XYLT1: variants seen among roughly 807,000 people sequenced by gnomAD.
The protein encoded by XYLT1 is xylosyltransferase 1, also known as beta-D-xylosyltransferase 1.
A neutral mutation model predicts 91.3 loss-of-function variants in XYLT1; 36 were observed. The observed-to-expected ratio is 0.39, with a 90% CI of 0.30 to 0.52. The LOEUF is 0.52. Among genes scored for constraint, XYLT1 ranks in the 20% least tolerant of loss-of-function variants. The pLI is 0.68. For missense variants in XYLT1, 1,242 were observed against 1,284.5 expected (o/e 0.97, Z 0.51); for synonymous variants, 588 against 532.0 (o/e 1.11, Z -1.45).
intron 3 of XYLT1, among the ~76,000 whole-genome samples, chr16:17,239,533 CAT>C (rs2033310467): frequency 6.7e-6 from 1 of 149,910 alleles, no homozygotes. Context: ...TCCATCCATC[CAT>C]CCCATTCATC....
chr16:17,389,772 G>A (rs370325866), intron 1 of XYLT1, among the ~76,000 whole-genome samples: 1 of 152,192 alleles, frequency 6.6e-6, no homozygotes, highest in African/African-American at 2.4e-5. Context: ...AAGACAGGAT[G>A]GAGAACCAGG....
intron 10 of XYLT1, among the ~76,000 whole-genome samples, chr16:17,125,527 G>A (rs1419434745): frequency 6.6e-6 from 1 of 151,848 alleles, no homozygotes; most frequent in Non-Finnish European, 1.5e-5. Flanking sequence ...AGTGCCTAAG[G>A]GCCTTTGTAT....
intron 2 of XYLT1, among the ~76,000 whole-genome samples, chr16:17,298,399 C>T (rs75262248): frequency 0.036 from 5,529 of 152,176 alleles, 232 homozygotes; most frequent in Admixed American, 0.089. Flanking sequence ...TGGCGAGTGC[C>T]CTCACTGTTC....
rs886385466 is a variant in XYLT1, at chr16:17,160,620, C to T, written c.1290-1711G>A. On this transcript the variant is annotated intron_variant, in intron 5 of 11. Transcript: ENST00000261381. ...TGTCTGCAGGGAGTTGAATACAGCA[C>T]ACACACGGAAAGCTAAACCTTGCTG... is the stretch of plus-strand genomic sequence containing the variant. Among the ~76,000 whole-genome samples, 4 of 152,288 alleles carry T rather than the reference C, an allele frequency of 2.6e-5. No homozygotes were observed. The South Asian group carries it at 6.2e-4, about 24-fold the overall frequency.
At chr16:17,208,478 G>C (rs1046924838) in intron 3 of XYLT1, among the ~76,000 whole-genome samples, 1 of 152,062 alleles carries the variant, frequency 6.6e-6, no homozygotes, top group African/African-American at 2.4e-5. Flanking sequence ...AGATATTTTG[G>C]GGAAGGGACC....
intron 3 of XYLT1, among the ~76,000 whole-genome samples, chr16:17,240,549 A>G (rs1467529470): frequency 6.6e-6 from 1 of 152,138 alleles, no homozygotes; most frequent in Non-Finnish European, 1.5e-5. Flanking sequence ...AGAGAGAGAA[A>G]TGGACCCAGC....
At chr16:17,335,021 C>T (rs531614364) in intron 2 of XYLT1, among the ~76,000 whole-genome samples, 6 of 152,026 alleles carry the variant, frequency 3.9e-5, no homozygotes, top group Admixed American at 2.6e-4. Flanking sequence ...GCCAGGAGTT[C>T]GAAATGAGCC....
At chr16:17,444,135 T>C (rs1398151474) in intron 1 of XYLT1, among the ~76,000 whole-genome samples, 1 of 152,200 alleles carries the variant, frequency 6.6e-6, no homozygotes, top group Non-Finnish European at 1.5e-5. Flanking sequence ...TTCCTCTTCA[T>C]GTTTAGGTGT....
rs114755079 is a variant in XYLT1, at chr16:17,460,332, C to T, written c.363+10102G>A. 3.4e-3 allele frequency among the ~76,000 whole-genome samples: 520 copies of T among 152,270 alleles called. 5 individuals carry two copies. The highest frequency in any genetic ancestry group is 0.012 in the African/African-American group (498 of 41,558). ...GAGGGGAAACAGGTTTATCAAATTG[C>T]GGAATGCATGATTCTATTTCTGTCG... On this transcript the variant is annotated intron_variant, in intron 1 of 11. Coordinates refer to ENST00000261381, the MANE Select transcript of XYLT1 (RefSeq NM_022166.4).
At chr16:17,400,526 G>A (rs1186776633) in intron 1 of XYLT1, among the ~76,000 whole-genome samples, 1 of 148,220 alleles carries the variant, frequency 6.7e-6, no homozygotes, top group Non-Finnish European at 1.5e-5. Flanking sequence ...GGAGGCGGAG[G>A]TTACAGTGAG....
intron 10 of XYLT1, among the ~76,000 whole-genome samples, chr16:17,124,518 A>ATGCTT (rs2030190319): frequency 1.3e-5 from 2 of 152,150 alleles, no homozygotes; most frequent in South Asian, 4.1e-4. Context: ...AGGTTACCTG[A>ATGCTT]TGCTTTTGCC....
At chr16:17,379,532 G>A (rs1288305460) in intron 1 of XYLT1, among the ~76,000 whole-genome samples, 1 of 152,112 alleles carries the variant, frequency 6.6e-6, no homozygotes, top group Non-Finnish European at 1.5e-5. Flanking sequence ...GACAAGGTGT[G>A]GTGGGTGGGA....
At chr16:17,416,983 A>T (rs568749629) in intron 1 of XYLT1, among the ~76,000 whole-genome samples, 28 of 152,290 alleles carry the variant, frequency 1.8e-4, no homozygotes, top group Admixed American at 1.7e-3. Context: ...AATGGTTTAG[A>T]TCCATTTTGG....
chr16:17,260,516 T>C (rs946036065), intron 2 of XYLT1, among the ~76,000 whole-genome samples: 2 of 152,056 alleles, frequency 1.3e-5, no homozygotes, highest in Non-Finnish European at 2.9e-5. Context: ...TCCCTGCTAG[T>C]CCTCCTTTTA....
intron 1 of XYLT1, among the ~76,000 whole-genome samples, chr16:17,467,010 C>T (rs757745693): frequency 2.0e-5 from 3 of 152,128 alleles, no homozygotes; most frequent in Non-Finnish European, 4.4e-5. Context: ...AGCCAGTGAA[C>T]CGATCTTTCA....
chr16:17,224,601 G>A (rs1379096755), intron 3 of XYLT1, among the ~76,000 whole-genome samples: 2 of 152,124 alleles, frequency 1.3e-5, no homozygotes, highest in East Asian at 1.9e-4. Flanking sequence ...TATTTGATCT[G>A]TGGTCTTGGG....
rs994117263 is a variant in XYLT1 at position 17,106,235 on chromosome 16, C to T, written c.*2460G>A. 1 of 152,222 alleles carries T rather than the reference C, an allele frequency of 6.6e-6. No homozygotes were observed. Among genetic ancestry groups the T allele is most frequent in the Non-Finnish European group, 1.5e-5 (1 of 68,068 alleles). The allele number at this position is 152,222 out of a possible 1,614,324, so 9.4% of individuals were successfully genotyped here. A position where few individuals can be genotyped will look rare whatever the true frequency, so the allele number is the denominator to read the frequency against. On this transcript the variant is annotated 3_prime_UTR_variant, in exon 12 of 12. Coordinates refer to ENST00000261381, the MANE Select transcript of XYLT1 (RefSeq NM_022166.4). ...ACAGGGACTTGCCACTGCTGAGTCC[C>T]CAAAGCCACTGCAAATAACGCTGCG...
chr16:17,307,273 C>T (rs1368799010), intron 2 of XYLT1, among the ~76,000 whole-genome samples: 1 of 152,180 alleles, frequency 6.6e-6, no homozygotes, highest in Admixed American at 6.5e-5. Flanking sequence ...GATGAGGTTT[C>T]ACCATGCTGG....
intron 3 of XYLT1, among the ~76,000 whole-genome samples, chr16:17,239,985 A>G (rs2141733069): frequency 6.6e-6 from 1 of 152,282 alleles, no homozygotes; most frequent in African/African-American, 2.4e-5. Context: ...GTAAGTAGTG[A>G]AAAAAAATAT....
Sources: gnomAD v4.1 joint callset for allele counts (sites outside exome capture counted in the v4.1 genomes callset) on GRCh38, gnomAD v4.1.1 for gene constraint, MANE v1.5 for transcripts, NCBI Gene and HGNC (gene_info 2026-07-23, HGNC 2026-07-21) for gene names.